Variants in RFX3 observed in about 807,000 individuals in gnomAD.
The protein encoded by RFX3 is regulatory factor X3, also known as transcription factor RFX3.
In RFX3, 14 loss-of-function variants were observed where a neutral mutation model predicts 98.6. The observed-to-expected ratio is 0.14, with a 90% CI of 0.09 to 0.22. The LOEUF (loss-of-function observed/expected upper bound fraction) is 0.22. Ranked by LOEUF, RFX3 falls within the 10% of genes least tolerant of loss-of-function variation. The probability of loss-of-function intolerance (pLI) is 1.00; values close to 1 mark genes in which losing one functional copy is unlikely to be tolerated. For missense variants in RFX3, 639 were observed against 926.9 expected, an observed-to-expected ratio of 0.69 and a Z score of 4.03; for synonymous variants, 383 against 328.4, an observed-to-expected ratio of 1.17 and a Z score of -1.80.
chr9:3,329,210 C>T (rs985737676), intron 4 of RFX3, among the ~76,000 whole-genome samples: 2 of 151,848 alleles, frequency 1.3e-5, no homozygotes, highest in African/African-American at 4.8e-5. Context: ...AGTTCGAGAC[C>T]AGCCTGGCCA....
chr9:3,395,628 A>G, intron 1 of RFX3, 32 bp from the exon 2 acceptor site: 7 of 1,607,676 alleles, frequency 4.4e-6, no homozygotes, highest in Non-Finnish European at 6.0e-6. Flanking sequence ...TTAAAGTTTA[A>G]AATGTCACTC....
intron 16 of RFX3, among the ~76,000 whole-genome samples, chr9:3,226,753 C>A (rs111525724): frequency 5.1e-4 from 78 of 152,268 alleles, no homozygotes; most frequent in African/African-American, 1.8e-3. Context: ...ATACTTGAAA[C>A]ATGTTTGCAT....
At chr9:3,491,053 T>A (rs1405087377) in intron 1 of RFX3, among the ~76,000 whole-genome samples, 1 of 152,132 alleles carries the variant, frequency 6.6e-6, no homozygotes, top group Non-Finnish European at 1.5e-5. Context: ...TTACCCGGCA[T>A]GATTTGGCTT....
chr9:3,395,442 G>A (rs1164834385), intron 2 of RFX3, 30 bp downstream of exon 2: 1 of 1,606,216 alleles, frequency 6.2e-7, no homozygotes, highest in Non-Finnish European at 8.5e-7. Flanking sequence ...GAAAGTAACA[G>A]CATCTTTTCT....
intron 2 of RFX3, among the ~76,000 whole-genome samples, chr9:3,366,364 C>T (rs188902078): frequency 5.4e-4 from 82 of 152,218 alleles, no homozygotes; most frequent in Admixed American, 3.1e-3. Flanking sequence ...TTTCCAAGTG[C>T]GTGTATACGT....
intron 2 of RFX3, among the ~76,000 whole-genome samples, chr9:3,351,899 G>A (rs1318936867): frequency 6.6e-6 from 1 of 151,864 alleles, no homozygotes; most frequent in Non-Finnish European, 1.5e-5. Flanking sequence ...TTATAAGCAG[G>A]CATATCATTT....
At chr9:3,495,229 C>A (rs1275210044) in intron 1 of RFX3, among the ~76,000 whole-genome samples, 2 of 151,792 alleles carry the variant, frequency 1.3e-5, no homozygotes, top group African/African-American at 2.4e-5. Flanking sequence ...AAAAAAAATT[C>A]TATGTAGCAA....
At chr9:3,468,816 AAAAAAAAAAAAAAAAG>A (rs1261336497) in intron 1 of RFX3, among the ~76,000 whole-genome samples, 6 of 86,016 alleles carry the variant, frequency 7.0e-5, no homozygotes, top group Admixed American at 6.4e-4. Context: ...TTTCCTTTTG[AAAAAAAAAAAAAAAAG>A]AAAAAAGAAA....
chr9:3,462,618 A>T (rs1159966229), intron 1 of RFX3, among the ~76,000 whole-genome samples: 1 of 152,084 alleles, frequency 6.6e-6, no homozygotes, highest in Non-Finnish European at 1.5e-5. Context: ...TGCAAACAAC[A>T]TGATTGTCTA....
At chr9:3,496,762 T>G (rs576146599) in intron 1 of RFX3, among the ~76,000 whole-genome samples, 1 of 152,130 alleles carries the variant, frequency 6.6e-6, no homozygotes, top group Non-Finnish European at 1.5e-5. Context: ...CTGGTTTCCC[T>G]TATTCAAAAG....
chr9:3,478,218 T>C (rs946027024), intron 1 of RFX3, among the ~76,000 whole-genome samples: 1 of 152,142 alleles, frequency 6.6e-6, no homozygotes, highest in Non-Finnish European at 1.5e-5. Flanking sequence ...TTCTCAATTT[T>C]TGTTAAAACT....
chr9:3,339,350 G>T (rs909434205), intron 3 of RFX3, among the ~76,000 whole-genome samples: 1 of 152,136 alleles, frequency 6.6e-6, no homozygotes, highest in Admixed American at 6.6e-5. Flanking sequence ...CATTATAAAA[G>T]ATTTGATTTG....
intron 1 of RFX3, among the ~76,000 whole-genome samples, chr9:3,419,195 G>A (rs913982357): frequency 1.3e-5 from 2 of 151,896 alleles, no homozygotes; most frequent in Admixed American, 6.5e-5. Context: ...TTTATTTTGC[G>A]CAACTTCGAT....
chr9:3,346,704 C>T lies in RFX3; in HGVS notation c.178G>A (p.Val60Met). ...GTATAGACAGTATCGCTTCCTTCCA[C>T]ATACTGCACCTGAGCGGGATAGACA... Reference protein sequence around the residue: ...QHVYPAQVQYVEGSDTVYTNG... With the variant: ...QHVYPAQVQYMEGSDTVYTNG... Residue 60 changes from valine (V) to methionine (M), a missense_variant, in exon 3 of 17, where the codon GTG becomes ATG. Transcript: ENST00000617270. 1 of 1,613,558 alleles carries T rather than the reference C, an allele frequency of 6.2e-7. No homozygotes were observed. The highest frequency in any genetic ancestry group is 8.5e-7 in the Non-Finnish European group (1 of 1,179,480).
chr9:3,269,688 T>A (rs1302765383), intron 11 of RFX3, among the ~76,000 whole-genome samples: 2 of 152,282 alleles, frequency 1.3e-5, no homozygotes, highest in South Asian at 2.1e-4. Context: ...TCTATGTAAT[T>A]CCCATTTTCT....
At chr9:3,467,343 T>G (rs1190704184) in intron 1 of RFX3, among the ~76,000 whole-genome samples, 3 of 149,214 alleles carry the variant, frequency 2.0e-5, no homozygotes, top group Non-Finnish European at 4.4e-5. Context: ...TGTGTGTGTG[T>G]GTAATTAAGT....
chr9:3,448,213 T>C (rs554550014), intron 1 of RFX3, among the ~76,000 whole-genome samples: 1 of 152,284 alleles, frequency 6.6e-6, no homozygotes, highest in Admixed American at 6.5e-5. Context: ...AGATATTTTT[T>C]TCCCACTCAC....
In RFX3 at chr9:3,400,341, C is replaced by T. The variant is rs529867273; in HGVS notation, c.-8-4745G>A. The T allele has an allele frequency of 7.7e-5, 25 of 323,918 alleles. No individual in the cohort carries two copies. The South Asian group carries it at 2.8e-3, about 37-fold the overall frequency. The allele number at this position is 323,918 out of a possible 1,614,324, so 20.1% of individuals were successfully genotyped here. ...TAGGTAAAAAACAATGGTTGTAAAA[C>T]ATAAAGCTAGAGAGTCACGGAGAAC... On this transcript the variant is annotated intron_variant, in intron 1 of 16. Coordinates refer to ENST00000617270, the MANE Select transcript of RFX3 (RefSeq NM_001282116.2).
intron 4 of RFX3, among the ~76,000 whole-genome samples, chr9:3,308,575 G>C (rs1413370912): frequency 6.6e-6 from 1 of 152,158 alleles, no homozygotes. Flanking sequence ...TTACATGCCA[G>C]ATTTCTGACC....
Sources: allele counts gnomAD v4.1 joint callset (sites outside exome capture counted in the v4.1 genomes callset), GRCh38; gene constraint gnomAD v4.1.1; transcripts MANE v1.5; gene names NCBI Gene and HGNC (gene_info 2026-07-23, HGNC 2026-07-21).